Variants in PCDH15 observed in about 807,000 individuals in gnomAD.
The protein encoded by PCDH15 is protocadherin-15.
A neutral mutation model predicts 178.5 loss-of-function variants in PCDH15; 129 were observed. The observed-to-expected ratio is 0.72, with a 90% CI of 0.63 to 0.84. PCDH15 has a LOEUF of 0.84. PCDH15 is among the 40% of genes least tolerant of loss of function. The pLI, the probability that PCDH15 is intolerant of heterozygous loss-of-function variation, is 0.00. For missense variants in PCDH15, 2,230 were observed against 2,099.9 expected, an observed-to-expected ratio of 1.06 and a Z score of -1.21; for synonymous variants, 800 against 732.0, an observed-to-expected ratio of 1.09 and a Z score of -1.50.
At chr10:55,440,720 T>C (rs1839163839) in intron 2 of PCDH15, among the ~76,000 whole-genome samples, 2 of 152,150 alleles carry the variant, frequency 1.3e-5, no homozygotes, top group Admixed American at 6.6e-5. Context: ...TCCGGGCATG[T>C]ATCAGTCCGT....
At chr10:55,050,055 T>C (rs1841119120) in intron 2 of PCDH15, among the ~76,000 whole-genome samples, 2 of 152,050 alleles carry the variant, frequency 1.3e-5, no homozygotes, top group African/African-American at 2.4e-5. Flanking sequence ...AAACAAAATA[T>C]TTAGATAGAT....
chr10:54,469,857 T>C (rs1282047742), intron 3 of PCDH15, among the ~76,000 whole-genome samples: 2 of 152,090 alleles, frequency 1.3e-5, no homozygotes, highest in Non-Finnish European at 2.9e-5. Flanking sequence ...CAGGCTGCAA[T>C]GGCCAGTCTC....
intron 2 of PCDH15, among the ~76,000 whole-genome samples, chr10:55,040,171 T>A (rs1199921954): frequency 1.3e-5 from 2 of 152,086 alleles, no homozygotes; most frequent in African/African-American, 4.8e-5. Flanking sequence ...AACTGTAAAA[T>A]CATGTGCTCT....
At chr10:53,988,562 G>A (rs2091262851) in intron 21 of PCDH15, among the ~76,000 whole-genome samples, 1 of 152,138 alleles carries the variant, frequency 6.6e-6, no homozygotes, top group Admixed American at 6.5e-5. Context: ...AGAGGACAAA[G>A]ATAAGACCAG....
chr10:55,061,380 A>G (rs1393887331), intron 2 of PCDH15, among the ~76,000 whole-genome samples: 1 of 152,172 alleles, frequency 6.6e-6, no homozygotes, highest in Non-Finnish European at 1.5e-5. Context: ...ACATTTTGGA[A>G]TGGTCAAAAC....
chr10:55,269,744 A>G (rs1842391637), intron 1 of PCDH15, among the ~76,000 whole-genome samples: 1 of 152,160 alleles, frequency 6.6e-6, no homozygotes, highest in Non-Finnish European at 1.5e-5. Flanking sequence ...TTCCTATCAA[A>G]CTACCAATAT....
chr10:54,585,798 A>G (rs1590284675), intron 2 of PCDH15, among the ~76,000 whole-genome samples: 2 of 152,116 alleles, frequency 1.3e-5, no homozygotes, highest in South Asian at 2.1e-4. Flanking sequence ...GCTTCATTCA[A>G]TTATGTCTTC....
chr10:53,856,934 C>A (rs2078786375), intron 28 of PCDH15, among the ~76,000 whole-genome samples: 1 of 151,806 alleles, frequency 6.6e-6, no homozygotes, highest in Non-Finnish European at 1.5e-5. Context: ...AAATAATAGA[C>A]ACTGAGGGCT....
chr10:55,447,652 T>C (rs1434552351), intron 2 of PCDH15, among the ~76,000 whole-genome samples: 1 of 151,996 alleles, frequency 6.6e-6, no homozygotes, highest in Non-Finnish European at 1.5e-5. Context: ...GAAAAAATAA[T>C]GCAATATTTT....
chr10:55,034,575 A>G (rs2131969969), intron 2 of PCDH15, among the ~76,000 whole-genome samples: 1 of 152,294 alleles, frequency 6.6e-6, no homozygotes, highest in Non-Finnish European at 1.5e-5. Context: ...GCACAAACTC[A>G]AAGTAGGCAC....
intron 2 of PCDH15, among the ~76,000 whole-genome samples, chr10:55,520,725 T>A (rs1260398928): frequency 6.6e-6 from 1 of 151,570 alleles, no homozygotes; most frequent in Admixed American, 6.6e-5. Flanking sequence ...GCAAATAGAG[T>A]ATTCTGTTGT....
At chr10:53,993,903 G>A (rs2091682671) in intron 21 of PCDH15, among the ~76,000 whole-genome samples, 1 of 152,082 alleles carries the variant, frequency 6.6e-6, no homozygotes, top group Admixed American at 6.5e-5. Context: ...GTATTTCAAT[G>A]GAATGACTGG....
intron 1 of PCDH15, among the ~76,000 whole-genome samples, chr10:54,769,811 C>G (rs1381903647): frequency 6.6e-6 from 1 of 152,078 alleles, no homozygotes; most frequent in Non-Finnish European, 1.5e-5. Context: ...CTTTGCAACT[C>G]AGAGCACTGA....
intron 3 of PCDH15, among the ~76,000 whole-genome samples, chr10:54,487,445 C>T (rs1333488625): frequency 6.6e-6 from 1 of 151,930 alleles, no homozygotes; most frequent in Non-Finnish European, 1.5e-5. Flanking sequence ...TTCACCACTA[C>T]CCAATGTGTT....
chr10:55,544,911 G>A (rs1841845147), intron 2 of PCDH15, among the ~76,000 whole-genome samples: 1 of 152,116 alleles, frequency 6.6e-6, no homozygotes, highest in African/African-American at 2.4e-5. Flanking sequence ...AACACAATAA[G>A]AAGTATAAGG....
Position 55,200,649 on chromosome 10 carries a change from T to C in PCDH15, c.-155-33998A>G, listed in dbSNP as rs151104349. 1.6e-4 allele frequency among the ~76,000 whole-genome samples: 24 copies of C among 152,180 alleles called. No homozygotes were observed. In the East Asian group the frequency reaches 4.3e-3, roughly 27 times the overall value. Reference sequence around the variant, plus strand: ...AACAGAATGATATGGTTTGACTCTATTTCCCCACCCAAATCTCATGTTGAA... The same window carrying C: ...AACAGAATGATATGGTTTGACTCTACTTCCCCACCCAAATCTCATGTTGAA... On this transcript the variant is annotated intron_variant, in intron 1 of 5. Coordinates refer to the PCDH15 transcript ENST00000458638.
chr10:54,035,537 T>C (rs1197315296), intron 18 of PCDH15, among the ~76,000 whole-genome samples: 1 of 151,944 alleles, frequency 6.6e-6, no homozygotes. Flanking sequence ...GTTCTATGTA[T>C]ACATTTTTTT....
chr10:55,332,669 A>G (rs1444483891), intron 2 of PCDH15, among the ~76,000 whole-genome samples: 1 of 152,170 alleles, frequency 6.6e-6, no homozygotes, highest in Non-Finnish European at 1.5e-5. Context: ...AGTGGGAGAT[A>G]ATTGAATCAT....
chr10:55,469,787 A>G (rs1056121985), intron 2 of PCDH15, among the ~76,000 whole-genome samples: 2 of 151,882 alleles, frequency 1.3e-5, no homozygotes, highest in Non-Finnish European at 2.9e-5. Context: ...TATCTCCCAA[A>G]TTGTTAATTT....
Sources: allele counts gnomAD v4.1 joint callset (sites outside exome capture counted in the v4.1 genomes callset), GRCh38; gene constraint gnomAD v4.1.1; transcripts MANE v1.5; gene names NCBI Gene and HGNC (gene_info 2026-07-23, HGNC 2026-07-21).